Variants in DISP1 observed in about 807,000 individuals in gnomAD.
The protein encoded by DISP1 is protein dispatched homolog 1.
In DISP1, 30 loss-of-function variants were observed where a neutral mutation model predicts 37.3. The observed-to-expected ratio is 0.80, with a 90% confidence interval of 0.60 to 1.09. DISP1 has a LOEUF of 1.09. DISP1 is among the 50% of genes least tolerant of loss of function. DISP1 has a pLI of 0.00. For synonymous variants in DISP1, 634 were observed against 690.2 expected, an observed-to-expected ratio of 0.92 and a Z score of 1.28; for missense variants, 1,598 against 1,879.5, an observed-to-expected ratio of 0.85 and a Z score of 2.77.
At chr1:222,906,751 A>G (rs1438390420) in intron 1 of DISP1, among the ~76,000 whole-genome samples, 2 of 152,252 alleles carry the variant, frequency 1.3e-5, no homozygotes, top group Non-Finnish European at 1.5e-5. Context: ...AAAATGGGCA[A>G]CCAGCAGCCC....
chr1:222,860,775 C>T (rs76692595), intron 1 of DISP1, among the ~76,000 whole-genome samples: 3 of 151,882 alleles, frequency 2.0e-5, no homozygotes, highest in Non-Finnish European at 4.4e-5. Context: ...GTCCCAGCTA[C>T]CTGAGGGGCT....
chr1:222,955,823 C>A (rs891143372), intron 3 of DISP1, among the ~76,000 whole-genome samples: 1 of 152,128 alleles, frequency 6.6e-6, no homozygotes, highest in African/African-American at 2.4e-5. Context: ...TTTGTCTTCT[C>A]TTTGTTCATT....
At chr1:222,897,140 C>A (rs1177420071) in intron 1 of DISP1, among the ~76,000 whole-genome samples, 1 of 152,274 alleles carries the variant, frequency 6.6e-6, no homozygotes, top group East Asian at 1.9e-4. Context: ...TTGATATAGT[C>A]ATTCAGTGGC....
chr1:222,828,301 G>A (rs2125207224), intron 1 of DISP1, among the ~76,000 whole-genome samples: 1 of 152,158 alleles, frequency 6.6e-6, no homozygotes, highest in Non-Finnish European at 1.5e-5. Context: ...TTTGAACTGT[G>A]TTGGAAGTTT....
In DISP1 at chr1:222,943,237, G is replaced by C; in HGVS notation, c.414G>C (p.Thr138=). The change falls in exon 3 of 9, where the codon ACG becomes ACC. Residue 138 remains threonine (T), a synonymous_variant. Transcript: ENST00000675850. ...ATCATTCACCTGTGTATCAGACTACGTGCTGTCTTCAGCCCTCTCCATCCT... is the reference window on the plus strand; with the variant it reads ...ATCATTCACCTGTGTATCAGACTACCTGCTGTCTTCAGCCCTCTCCATCCT... ...CPNHSPVYQT[T]CCLQPSPSFC... 1 of 1,613,162 alleles carries C rather than the reference G, an allele frequency of 6.2e-7. No homozygotes were observed. The highest frequency in any genetic ancestry group is 1.1e-5 in the South Asian group (1 of 90,988).
At chr1:222,931,059 TG>T (rs1673359658) in intron 2 of DISP1, among the ~76,000 whole-genome samples, 2 of 151,862 alleles carry the variant, frequency 1.3e-5, no homozygotes, top group Admixed American at 1.3e-4. Context: ...CAGCAGGGAG[TG>T]GGGCCTGGTA....
At chr1:222,919,250 TA>T (rs1672669884) in intron 1 of DISP1, among the ~76,000 whole-genome samples, 1 of 152,006 alleles carries the variant, frequency 6.6e-6, no homozygotes, top group African/African-American at 2.4e-5. Context: ...GCTATATGAG[TA>T]AACAGCAAAC....
intron 3 of DISP1, among the ~76,000 whole-genome samples, chr1:222,962,370 A>AT (rs1290068198): frequency 6.6e-6 from 1 of 152,214 alleles, no homozygotes; most frequent in Non-Finnish European, 1.5e-5. Context: ...TGATTTATAG[A>AT]TTCAGTGCTA....
chr1:222,877,035 G>A (rs927450047), intron 1 of DISP1, among the ~76,000 whole-genome samples: 35 of 152,138 alleles, frequency 2.3e-4, no homozygotes, highest in African/African-American at 8.2e-4. Flanking sequence ...AAAGAACCAG[G>A]CCTCTGGAGT....
At chr1:223,001,367 T>C (rs1035128393) in intron 8 of DISP1, among the ~76,000 whole-genome samples, 1 of 152,230 alleles carries the variant, frequency 6.6e-6, no homozygotes, top group Non-Finnish European at 1.5e-5. Flanking sequence ...TTATTGTATA[T>C]ACCAATTTAA....
intron 1 of DISP1, among the ~76,000 whole-genome samples, chr1:222,900,385 T>C (rs1671512877): frequency 6.6e-6 from 1 of 152,196 alleles, no homozygotes; most frequent in South Asian, 2.1e-4. Flanking sequence ...ATTCACATGA[T>C]ACAGTTAATT....
chr1:222,964,716 T>C (rs1351633283), intron 3 of DISP1, among the ~76,000 whole-genome samples: 1 of 152,252 alleles, frequency 6.6e-6, no homozygotes. Context: ...GTTTATATCA[T>C]GTTGTACTTT....
chr1:222,878,802 CT>C (rs1670111619), intron 1 of DISP1, among the ~76,000 whole-genome samples: 1 of 152,016 alleles, frequency 6.6e-6, no homozygotes, highest in African/African-American at 2.4e-5. Context: ...AGAGCAGCAC[CT>C]TCAAATATTC....
At chr1:222,852,655 A>C (rs1210223024) in intron 1 of DISP1, among the ~76,000 whole-genome samples, 3 of 152,260 alleles carry the variant, frequency 2.0e-5, no homozygotes, top group African/African-American at 4.8e-5. Flanking sequence ...GAAGGAAACT[A>C]TTCCTTTGAA....
intron 3 of DISP1, among the ~76,000 whole-genome samples, chr1:222,956,699 A>C (rs1417844509): frequency 6.6e-6 from 1 of 151,966 alleles, no homozygotes; most frequent in African/African-American, 2.4e-5. Context: ...GAGCAACATC[A>C]GTGTTTGGTG....
In DISP1 at chr1:222,893,361, C is replaced by T. The variant is rs115886732; in HGVS notation, c.-158-35069C>T. On this transcript the variant is annotated intron_variant, in intron 1 of 8. Transcript: ENST00000675850. This position sits in a 1 kb window ranked among gnomAD's most constrained non-coding sequence, Gnocchi z 4.3. ...TGGAAACCTCTGTAGCTGGCGGAGC[C>T]TTCTTCCTGAGCACTGCTTGTGCCT... is the stretch of plus-strand genomic sequence containing the variant. 0.015 allele frequency among the ~76,000 whole-genome samples: 2,275 copies of T among 152,332 alleles called. 59 individuals carry two copies. Among genetic ancestry groups the T allele is most frequent in the African/African-American group, 0.052 (2,160 of 41,568 alleles).
intron 1 of DISP1, among the ~76,000 whole-genome samples, chr1:222,889,291 C>T (rs1017506676): frequency 6.6e-6 from 1 of 151,974 alleles, no homozygotes; most frequent in Non-Finnish European, 1.5e-5. Flanking sequence ...CCTTTGAAAG[C>T]CAGGGTTTTG....
At chr1:222,954,775 G>A (rs575313801) in intron 3 of DISP1, among the ~76,000 whole-genome samples, 103 of 152,208 alleles carry the variant, frequency 6.8e-4, no homozygotes, top group African/African-American at 2.4e-3. Context: ...ACTTGAGGCC[G>A]AGGCAGGAGG....
At chr1:222,977,370 G>A (rs1282383761) in intron 3 of DISP1, among the ~76,000 whole-genome samples, 5 of 147,796 alleles carry the variant, frequency 3.4e-5, no homozygotes, top group Admixed American at 6.7e-5. Context: ...TTCAAAGAGG[G>A]CTGACAAATA....
Sources: allele counts gnomAD v4.1 joint callset (sites outside exome capture counted in the v4.1 genomes callset), GRCh38; gene constraint gnomAD v4.1.1; non-coding constraint Gnocchi (gnomAD v3.1); transcripts MANE v1.5; gene names NCBI Gene and HGNC (gene_info 2026-07-23, HGNC 2026-07-21).